DOCK4: variants seen among roughly 807,000 people sequenced by gnomAD.
The protein encoded by DOCK4 is dedicator of cytokinesis 4.
Under a neutral mutation model 268.1 loss-of-function variants are expected in DOCK4, and 97 were observed. The ratio of observed to expected loss-of-function variants is 0.36; its 90% CI spans 0.31 to 0.43. DOCK4 has a LOEUF of 0.43. Among genes scored for constraint, DOCK4 ranks in the 20% least tolerant of loss-of-function variants. DOCK4 has a pLI of 1.00. For missense variants in DOCK4, 2,145 were observed against 2,455.7 expected, an observed-to-expected ratio of 0.87 and a Z score of 2.67; for synonymous variants, 954 against 887.2, an observed-to-expected ratio of 1.08 and a Z score of -1.34.
chr7:112,197,893 A>G (rs1820595454), intron 1 of DOCK4, among the ~76,000 whole-genome samples: 5 of 150,790 alleles, frequency 3.3e-5, no homozygotes. Flanking sequence ...TTTTGCAGGT[A>G]TCTCAAAAAT....
intron 1 of DOCK4, among the ~76,000 whole-genome samples, chr7:112,094,177 A>G (rs1431506087): frequency 3.3e-5 from 5 of 152,228 alleles, no homozygotes; most frequent in Admixed American, 2.0e-4. Flanking sequence ...CCTTACTTCA[A>G]TAACACTGGT....
chr7:111,755,227 A>G (rs902774405), intron 42 of DOCK4, among the ~76,000 whole-genome samples: 1 of 152,196 alleles, frequency 6.6e-6, no homozygotes, highest in Non-Finnish European at 1.5e-5. Flanking sequence ...AGCTATAGTA[A>G]TTAGGAGAGC....
chr7:112,201,016 C>T (rs966442113), intron 1 of DOCK4, among the ~76,000 whole-genome samples: 1 of 152,042 alleles, frequency 6.6e-6, no homozygotes, highest in Non-Finnish European at 1.5e-5. Context: ...CCAAGCAGAA[C>T]ATTATTATTT....
At chr7:112,154,974 C>A (rs987312391) in intron 1 of DOCK4, among the ~76,000 whole-genome samples, 1 of 152,156 alleles carries the variant, frequency 6.6e-6, no homozygotes, top group South Asian at 2.1e-4. Context: ...GCACAGCACA[C>A]CACTCACTGG....
intron 25 of DOCK4, among the ~76,000 whole-genome samples, chr7:111,838,221 A>G (rs1012046477): frequency 1.2e-4 from 18 of 152,088 alleles, no homozygotes; most frequent in Middle Eastern, 3.4e-3. Flanking sequence ...TTTAAAATCC[A>G]TAAGGAGTGA....
intron 1 of DOCK4, among the ~76,000 whole-genome samples, chr7:112,137,017 C>T (rs1814418539): frequency 6.6e-6 from 1 of 151,836 alleles, no homozygotes; most frequent in Non-Finnish European, 1.5e-5. Flanking sequence ...CTGAACTTTA[C>T]CTGAGGAAAA....
intron 51 of DOCK4, among the ~76,000 whole-genome samples, chr7:111,733,436 C>T (rs2133379575): frequency 6.6e-6 from 1 of 152,290 alleles, no homozygotes; most frequent in South Asian, 2.1e-4. Flanking sequence ...ATGCTGTCAG[C>T]ACGTGTCACA....
intron 1 of DOCK4, among the ~76,000 whole-genome samples, chr7:112,175,909 T>G (rs1218379224): frequency 1.3e-5 from 2 of 152,204 alleles, no homozygotes; most frequent in Non-Finnish European, 2.9e-5. Context: ...TAGTTTGAAT[T>G]CATTCTGGGA....
At chr7:112,035,073 C>G (rs944056241) in intron 1 of DOCK4, among the ~76,000 whole-genome samples, 1 of 152,184 alleles carries the variant, frequency 6.6e-6, no homozygotes, top group African/African-American at 2.4e-5. Flanking sequence ...GGACCCCTAA[C>G]TGTACTCCAT....
chr7:111,931,272 A>G (rs897984088), intron 12 of DOCK4, among the ~76,000 whole-genome samples: 1 of 152,216 alleles, frequency 6.6e-6, no homozygotes, highest in Admixed American at 6.5e-5. Context: ...ACAAGGCTTT[A>G]TGGTACAATG....
intron 12 of DOCK4, among the ~76,000 whole-genome samples, chr7:111,928,733 C>T (rs1011493912): frequency 4.0e-5 from 6 of 151,800 alleles, no homozygotes; most frequent in Non-Finnish European, 8.8e-5. Flanking sequence ...AATTAACAGG[C>T]ACGTGCCACC....
At chr7:111,833,892 G>C (rs535662643) in intron 26 of DOCK4, among the ~76,000 whole-genome samples, 4 of 152,076 alleles carry the variant, frequency 2.6e-5, no homozygotes, top group Non-Finnish European at 5.9e-5. Flanking sequence ...CTAATATGAT[G>C]GTTTCCATAT....
intron 32 of DOCK4, 117 bp downstream of exon 32, chr7:111,788,544 GC>G (rs1799325885): frequency 2.6e-6 from 2 of 771,454 alleles, no homozygotes; most frequent in South Asian, 3.0e-5. Flanking sequence ...CAAAGACAAA[GC>G]CCTCCTGTGA....
intron 1 of DOCK4, among the ~76,000 whole-genome samples, chr7:112,109,796 G>C (rs1378325368): frequency 6.9e-6 from 1 of 145,596 alleles, no homozygotes; most frequent in African/African-American, 2.6e-5. Flanking sequence ...CCAGGCTGGA[G>C]TGCAGTGGCG....
chr7:112,001,830 G>T (rs1010314836), intron 2 of DOCK4, among the ~76,000 whole-genome samples: 1 of 152,180 alleles, frequency 6.6e-6, no homozygotes, highest in Non-Finnish European at 1.5e-5. Context: ...TATCCTGGGG[G>T]TCTTAGGTCG....
At position 111,790,616 on chromosome 7, in the gene DOCK4, A is replaced by C. The variant is rs760830392; in HGVS notation, c.3167-11T>G. On this transcript the variant is annotated splice_polypyrimidine_tract_variant and intron_variant, in intron 30 of 52. Coordinates refer to ENST00000428084, the MANE Select transcript of DOCK4 (RefSeq NM_001363540.2). ...GAAGCTTGTGCTCTCCTAAAGTGAG[A>C]AAAATATTTGAGTTTCAATATATTC... 1.3e-6 allele frequency: 2 copies of C among 1,580,206 alleles called. No homozygotes were observed. Among genetic ancestry groups the C allele is most frequent in the East Asian group, 4.5e-5 (2 of 44,326 alleles).
At chr7:112,151,084 A>G (rs1363226389) in intron 1 of DOCK4, among the ~76,000 whole-genome samples, 1 of 152,190 alleles carries the variant, frequency 6.6e-6, no homozygotes, top group Non-Finnish European at 1.5e-5. Flanking sequence ...TTAATTCTGT[A>G]TACTTTTATC....
chr7:111,741,715 A>G, intron 45 of DOCK4, 54 bp from the exon 46 acceptor site: 1 of 1,588,508 alleles, frequency 6.3e-7, no homozygotes, highest in South Asian at 1.2e-5. Flanking sequence ...GGGCAAAATA[A>G]CTTATGAGAC....
At chr7:111,867,694 T>C (rs2134210635) in intron 22 of DOCK4, among the ~76,000 whole-genome samples, 1 of 152,246 alleles carries the variant, frequency 6.6e-6, no homozygotes, top group Middle Eastern at 3.4e-3. Context: ...GGGCTGGTGG[T>C]GACAGCATGT....
Sources: allele counts gnomAD v4.1 joint callset (sites outside exome capture counted in the v4.1 genomes callset), GRCh38; gene constraint gnomAD v4.1.1; transcripts MANE v1.5; gene names NCBI Gene and HGNC (gene_info 2026-07-23, HGNC 2026-07-21).